Variants in APBA2 observed in about 807,000 individuals in gnomAD.
The protein encoded by APBA2 is amyloid beta precursor protein binding family A member 2, also known as amyloid-beta A4 precursor protein-binding family A member 2.
In APBA2, 30 loss-of-function variants were observed where a neutral mutation model predicts 75.0. The observed-to-expected ratio is 0.40, with a 90% CI of 0.30 to 0.54. The LOEUF (loss-of-function observed/expected upper bound fraction) is 0.54. APBA2 is among the 20% of genes least tolerant of loss of function. The pLI, the probability that APBA2 is intolerant of heterozygous loss-of-function variation, is 0.49. For synonymous variants in APBA2, 444 were observed against 409.6 expected, an observed-to-expected ratio of 1.08 and a Z score of -1.01; for missense variants, 801 against 1,016.1, an observed-to-expected ratio of 0.79 and a Z score of 2.88.
intron 1 of APBA2, among the ~76,000 whole-genome samples, chr15:28,919,847 C>T (rs1372862665): frequency 2.0e-5 from 3 of 152,118 alleles, no homozygotes; most frequent in Non-Finnish European, 4.4e-5. Flanking sequence ...CCCGTTTGTC[C>T]GTGGGATAAG....
At chr15:28,934,226 G>T (rs1244016329) in intron 2 of APBA2, among the ~76,000 whole-genome samples, 1 of 152,126 alleles carries the variant, frequency 6.6e-6, no homozygotes, top group Non-Finnish European at 1.5e-5. Flanking sequence ...GAGCCAGGAG[G>T]GACTCAGTGG....
Position 29,018,488 on chromosome 15 carries a change from G to A in APBA2, c.-41+22682G>A, listed in dbSNP as rs545339529. On this transcript the variant is annotated intron_variant, in intron 3 of 14. Transcript: ENST00000683413. ...AGCAAGAAGGATGAACTGGCTTCCC[G>A]GGGAGGGGCCAGCAGTCCTTCTGCC... Among the ~76,000 whole-genome samples, 14 of 152,270 alleles carry A rather than the reference G, an allele frequency of 9.2e-5. No homozygotes were observed. In the East Asian group the frequency reaches 1.5e-3, roughly 17 times the overall value.
chr15:29,093,038 T>C (rs113015513), intron 6 of APBA2, 37 bp from the exon 7 acceptor site: 2 of 1,613,832 alleles, frequency 1.2e-6, no homozygotes, highest in Admixed American at 1.7e-5. Context: ...AGGGGACTTC[T>C]CCTCTAGGAA....
At chr15:29,063,488 T>C (rs891979802) in intron 4 of APBA2, among the ~76,000 whole-genome samples, 1 of 125,068 alleles carries the variant, frequency 8.0e-6, no homozygotes. Context: ...TGGGTCAGTG[T>C]CTGTATGGGT....
chr15:28,896,190 CCTTT>C (rs1489346859), intron 1 of APBA2, among the ~76,000 whole-genome samples: 3 of 152,122 alleles, frequency 2.0e-5, no homozygotes, highest in Non-Finnish European at 4.4e-5. Context: ...TGTGAGTAGA[CCTTT>C]CTGTCATCTT....
At chr15:28,897,127 T>C (rs2032539200) in intron 1 of APBA2, among the ~76,000 whole-genome samples, 1 of 151,878 alleles carries the variant, frequency 6.6e-6, no homozygotes, top group Non-Finnish European at 1.5e-5. Flanking sequence ...AATAATGCAC[T>C]ATGTAATCAA....
At chr15:29,045,686 T>C (rs2041289565) in intron 3 of APBA2, among the ~76,000 whole-genome samples, 1 of 152,116 alleles carries the variant, frequency 6.6e-6, no homozygotes, top group Admixed American at 6.5e-5. Flanking sequence ...GCAAAAGAGA[T>C]GCACAGATAA....
chr15:28,958,402 G>C (rs1157552099), intron 2 of APBA2, among the ~76,000 whole-genome samples: 1 of 152,232 alleles, frequency 6.6e-6, no homozygotes, highest in Non-Finnish European at 1.5e-5. Context: ...CACTGATCCA[G>C]GAGGAACCTG....
chr15:29,087,253 C>T (rs539906280), intron 6 of APBA2, among the ~76,000 whole-genome samples: 33 of 151,218 alleles, frequency 2.2e-4, no homozygotes, highest in African/African-American at 4.4e-4. Flanking sequence ...CCCATTTTTG[C>T]CATTTTTTTT....
At position 29,106,696 on chromosome 15, in the gene APBA2, C is replaced by T; in HGVS notation, c.1794C>T (p.Ala598=). The T allele has an allele frequency of 6.2e-7, 1 of 1,613,080 alleles. No individual in the cohort carries two copies. The highest frequency in any genetic ancestry group is 8.5e-7 in the Non-Finnish European group (1 of 1,179,992). ...WGSILPTVIL[A]NMMNGGPAAR... ...CCATCCTGCCCACGGTGATCCTGGC[C>T]AACATGATGAATGGCGGCCCGGCTG... Residue 598 remains alanine, a synonymous_variant, in exon 12 of 15, where the codon GCC becomes GCT. Transcript: ENST00000683413.
intron 2 of APBA2, among the ~76,000 whole-genome samples, chr15:28,980,756 G>A (rs2037578368): frequency 6.6e-6 from 1 of 152,106 alleles, no homozygotes; most frequent in Non-Finnish European, 1.5e-5. Flanking sequence ...AAAAAGAAAA[G>A]CCAGAGGCAC....
intron 3 of APBA2, among the ~76,000 whole-genome samples, chr15:29,040,605 G>A (rs1395793805): frequency 6.6e-6 from 1 of 152,136 alleles, no homozygotes; most frequent in African/African-American, 2.4e-5. Context: ...CCGCACTGAC[G>A]TTAACTCCAT....
intron 3 of APBA2, among the ~76,000 whole-genome samples, chr15:29,033,286 A>G (rs2040575359): frequency 6.6e-6 from 1 of 152,136 alleles, no homozygotes; most frequent in African/African-American, 2.4e-5. Context: ...TCTTCTTGAC[A>G]TTCCCTTTCC....
intron 8 of APBA2, among the ~76,000 whole-genome samples, chr15:29,096,201 C>T (rs962491419): frequency 6.6e-6 from 1 of 152,216 alleles, no homozygotes; most frequent in Admixed American, 6.5e-5. Context: ...ACAGACATGC[C>T]GAGGCCCACC....
intron 4 of APBA2, among the ~76,000 whole-genome samples, chr15:29,068,059 T>A (rs1273487060): frequency 6.6e-6 from 1 of 152,244 alleles, no homozygotes; most frequent in Non-Finnish European, 1.5e-5. Context: ...GGCACCATCG[T>A]TACATTCATT....
At chr15:29,055,668 A>AGTGTGTGT (rs57671107) in intron 4 of APBA2, among the ~76,000 whole-genome samples, 1,755 of 127,502 alleles carry the variant, frequency 0.014, 22 homozygotes, top group African/African-American at 0.027. Context: ...CATGAATTTG[A>AGTGTGTGT]GTGTGTGTGT....
chr15:28,948,281 A>G (rs756750325), intron 2 of APBA2, among the ~76,000 whole-genome samples: 3 of 152,184 alleles, frequency 2.0e-5, no homozygotes, highest in Non-Finnish European at 4.4e-5. Flanking sequence ...CTTTCTTGCA[A>G]GACAGAAATT....
chr15:29,046,930 T>C lies in APBA2; in HGVS notation c.-40-6915T>C, dbSNP rs553050815. Among the ~76,000 whole-genome samples, 10 of 152,352 alleles carry C rather than the reference T, an allele frequency of 6.6e-5. No individual in the cohort carries two copies. In the South Asian group the frequency reaches 2.1e-3, roughly 32 times the overall value. On this transcript the variant is annotated intron_variant, in intron 3 of 14. Transcript: ENST00000683413. The surrounding 1 kb of genome is among the most constrained non-coding windows in gnomAD (Gnocchi z 5.0). Reference sequence around the variant, plus strand: ...TAAGACATTCACCTCATCAGGCATCTCTCCTGGACCATTTCATTGACATTT... The same window carrying C: ...TAAGACATTCACCTCATCAGGCATCCCTCCTGGACCATTTCATTGACATTT...
At chr15:29,114,541 C>T (rs1484390655) in intron 14 of APBA2, among the ~76,000 whole-genome samples, 2 of 152,066 alleles carry the variant, frequency 1.3e-5, no homozygotes, top group African/African-American at 2.4e-5. Flanking sequence ...GTGGCACATA[C>T]ACCGGGGGAG....
Sources: gnomAD v4.1 joint callset for allele counts (sites outside exome capture counted in the v4.1 genomes callset) on GRCh38, gnomAD v4.1.1 for gene constraint, Gnocchi (gnomAD v3.1) non-coding constraint, MANE v1.5 for transcripts, NCBI Gene and HGNC (gene_info 2026-07-23, HGNC 2026-07-21) for gene names.